Variants in LBHD1 observed in about 807,000 individuals in gnomAD.
LBHD1 encodes LBH domain containing 1.
LBHD1 carries 28 observed loss-of-function variants against 31.1 expected under a neutral mutation model. The observed-to-expected ratio is 0.90, with a 90% CI of 0.67 to 1.24. The LOEUF is 1.24. LBHD1 is among the 50% of genes most tolerant of loss of function. LBHD1 has a pLI of 0.00. For synonymous variants in LBHD1, 105 were observed against 116.5 expected (o/e 0.90, Z 0.63); for missense variants, 350 against 323.0 (o/e 1.08, Z -0.64).
intron 1 of LBHD1, 123 bp from the exon 2 acceptor site, chr11:62,670,164 C>T (rs184060434): frequency 3.9e-5 from 41 of 1,038,208 alleles, no homozygotes; most frequent in Admixed American, 8.4e-5. Flanking sequence ...AGCGATTATA[C>T]GCTTTCAGGG....
chr11:62,666,223 C>A (rs1304524851), intron 4 of LBHD1: 1 of 764,258 alleles, frequency 1.3e-6, no homozygotes, highest in Admixed American at 2.4e-5. Flanking sequence ...ATAGTCCTAG[C>A]TACTCAGGAG....
At chr11:62,666,076 G>T in intron 4 of LBHD1, 1 of 1,079,484 alleles carries the variant, frequency 9.3e-7, no homozygotes, top group Non-Finnish European at 1.3e-6. Flanking sequence ...GGCCGTGCGT[G>T]GTGGCTCACG....
intron 5 of LBHD1, among the ~76,000 whole-genome samples, chr11:62,664,644 T>C (rs990192888): frequency 6.6e-6 from 1 of 152,166 alleles, no homozygotes; most frequent in Non-Finnish European, 1.5e-5. Context: ...CTGAGATTCT[T>C]AACAGAATCC....
intron 4 of LBHD1, chr11:62,666,322 GAC>G: frequency 1.4e-6 from 2 of 1,385,684 alleles, no homozygotes; most frequent in Non-Finnish European, 2.0e-6. Flanking sequence ...AAAAAAAAAA[GAC>G]GCCAGTGTGT....
At position 62,671,868 on chromosome 11, in the gene LBHD1, A is replaced by G; in HGVS notation, c.-315T>C. 1.2e-6 allele frequency: 2 copies of G among 1,614,008 alleles called. No individual in the cohort carries two copies. Among genetic ancestry groups the G allele is most frequent in the South Asian group, 2.2e-5 (2 of 91,086 alleles). ...GGCGGAAGCAGGAAATGCTAAAGGT[A>G]GAAGCAACTGGTAGTCCCGAGGAAG... is the stretch of plus-strand genomic sequence containing the variant. On this transcript the variant is annotated 5_prime_UTR_variant, in exon 1 of 7. Transcript: ENST00000354588.
intron 4 of LBHD1, 198 bp downstream of exon 4, chr11:62,667,325 A>G (rs1944847439): frequency 1.5e-6 from 1 of 654,470 alleles, no homozygotes; most frequent in Non-Finnish European, 2.6e-6. Context: ...GTCATTCCCC[A>G]GTTTCAACTA....
chr11:62,665,443 C>T, intron 4 of LBHD1: 2 of 1,552,266 alleles, frequency 1.3e-6, no homozygotes, highest in Non-Finnish European at 1.7e-6. Context: ...TGGCGGGGAT[C>T]GGGCTTGTGG....
intron 4 of LBHD1, chr11:62,666,844 AGGT>A (rs1244372012): frequency 1.2e-6 from 2 of 1,614,070 alleles, no homozygotes; most frequent in Non-Finnish European, 1.7e-6. Flanking sequence ...TTGCCCGGGG[AGGT>A]CTGCCTAGGG....
At chr11:62,667,118 C>CTG in intron 4 of LBHD1, 1 of 1,465,144 alleles carries the variant, frequency 6.8e-7, no homozygotes, top group South Asian at 1.4e-5. Flanking sequence ...ACTGTCTTTG[C>CTG]AAGCTATCTG....
intron 4 of LBHD1, chr11:62,667,087 G>C: frequency 1.3e-6 from 2 of 1,529,392 alleles, no homozygotes; most frequent in Non-Finnish European, 1.8e-6. Context: ...GTATTTCTGT[G>C]GGCAAGGAGA....
At position 62,663,134 on chromosome 11, in the gene LBHD1, C is replaced by G; in HGVS notation, c.787G>C (p.Asp263His). 1.2e-6 allele frequency: 2 copies of G among 1,614,110 alleles called. No homozygotes were observed. Among genetic ancestry groups the G allele is most frequent in the Non-Finnish European group, 1.7e-6 (2 of 1,179,996 alleles). ...GCCTTTTGAGCTGTGGTTCACTAGT[C>G]CTGGCTGGCTTTGAAGGGGCTTCCA... ...GSGSPFKASQ[D>H] The change falls in exon 7 of 7, where the codon GAC becomes CAC. Residue 263 changes from aspartate (D) to histidine (H), a missense_variant. Coordinates refer to ENST00000354588, the MANE Select transcript of LBHD1 (RefSeq NM_024099.5).
chr11:62,668,184 G>A lies in LBHD1; in HGVS notation c.314-437C>T, dbSNP rs528927044. On this transcript the variant is annotated intron_variant, in intron 3 of 6. Coordinates refer to ENST00000354588, the MANE Select transcript of LBHD1 (RefSeq NM_024099.5). ...TTGTTCTGAAAATCATGAAGTAAAA[G>A]TGTTTAGCATAGTACCTGGTACATA... The A allele has an allele frequency of 3.0e-4, 53 of 175,220 alleles. No individual in the cohort carries two copies. In the Middle Eastern group the frequency reaches 0.012, roughly 40 times the overall value. 10.9% of individuals were successfully genotyped at this position (175,220 alleles called of 1,614,324 possible). A position where few individuals can be genotyped will look rare whatever the true frequency, so the allele number is the denominator to read the frequency against.
In LBHD1 at chr11:62,671,490, T is replaced by C. The variant is rs1026615014; in HGVS notation, c.-11+74A>G. ...TCCCCCTAGCAATCCCACCCCGGAA[T>C]TGAGGACACAGGGTCCCCGCGCTCA... On this transcript the variant is annotated intron_variant, in intron 1 of 6. Coordinates refer to ENST00000354588, the MANE Select transcript of LBHD1 (RefSeq NM_024099.5). 2.3e-5 allele frequency: 31 copies of C among 1,365,410 alleles called. No individual in the cohort carries two copies. The Admixed American group carries it at 2.7e-4, about 12-fold the overall frequency. 84.6% of individuals were successfully genotyped at this position (1,365,410 alleles called of 1,614,324 possible).
In LBHD1 at chr11:62,672,169, G is replaced by T. The variant is rs1040985665; in HGVS notation, c.-616C>A. 1 of 1,514,292 alleles carries T rather than the reference G, an allele frequency of 6.6e-7. No individual in the cohort carries two copies. Among genetic ancestry groups the T allele is most frequent in the Admixed American group, 2.0e-5 (1 of 50,510 alleles). 93.8% of individuals were successfully genotyped at this position (1,514,292 alleles called of 1,614,324 possible). On this transcript the variant is annotated 5_prime_UTR_variant, in exon 1 of 7. The change creates a premature stop within an existing upstream ORF in the 5' untranslated region. Coordinates refer to ENST00000354588, the MANE Select transcript of LBHD1 (RefSeq NM_024099.5). The stretch of plus-strand genomic sequence containing the variant: ...CTTGGCTTGGGCGCAGGAATCCGAG[G>T]CAGCCTTTCTCCTTCGTGGGCCCAG...
In LBHD1 at chr11:62,671,931, G is replaced by A; in HGVS notation, c.-378C>T. 1 of 1,613,300 alleles carries A rather than the reference G, an allele frequency of 6.2e-7. No homozygotes were observed. Among genetic ancestry groups the A allele is most frequent in the East Asian group, 2.2e-5 (1 of 44,860 alleles). On this transcript the variant is annotated 5_prime_UTR_variant, in exon 1 of 7. Coordinates refer to ENST00000354588, the MANE Select transcript of LBHD1 (RefSeq NM_024099.5). The stretch of plus-strand genomic sequence containing the variant: ...GAGAGCCCCGGACTGGAGCTCCTGC[G>A]AACTCCCCTTCCTGCCCTCAGGAGA...
chr11:62,669,448 T>C, intron 3 of LBHD1, 193 bp downstream of exon 3: 3 of 984,924 alleles, frequency 3.0e-6, no homozygotes, highest in Non-Finnish European at 3.6e-6. Flanking sequence ...ATGGCACCCA[T>C]TCTGATACCA....
chr11:62,666,802 A>AG (rs1565127951), intron 4 of LBHD1: 3 of 1,613,954 alleles, frequency 1.9e-6, no homozygotes. Flanking sequence ...GCTCTTTCCA[A>AG]CTACTGCTGG....
At position 62,670,048 on chromosome 11, in the gene LBHD1, G is replaced by C. The variant is rs1179140678; in HGVS notation, c.-10-7C>G. ...AAGGGCCATGGTGGTGATTCTTAGA[G>C]TGCAAGATGATTGAACTCAGAGGAG... On this transcript the variant is annotated splice_polypyrimidine_tract_variant and splice_region_variant and intron_variant, in intron 1 of 6. Transcript: ENST00000354588. The C allele has an allele frequency of 6.3e-7, 1 of 1,597,132 alleles. No individual in the cohort carries two copies. Among genetic ancestry groups the C allele is most frequent in the African/African-American group, 1.3e-5 (1 of 74,542 alleles).
In LBHD1 at chr11:62,666,502, C is replaced by T. The variant is rs570436114; in HGVS notation, c.538+1021G>A. 2.5e-6 allele frequency: 4 copies of T among 1,614,088 alleles called. No individual in the cohort carries two copies. In the East Asian group the frequency reaches 6.7e-5, roughly 27 times the overall value. ...CCTTCGACTGGTTCTTTGGATACGACGAAGTCCAGGGGCTCCTACTGCCAT... is the reference window on the plus strand; with the variant it reads ...CCTTCGACTGGTTCTTTGGATACGATGAAGTCCAGGGGCTCCTACTGCCAT... On this transcript the variant is annotated intron_variant, in intron 4 of 6. Coordinates refer to ENST00000354588, the MANE Select transcript of LBHD1 (RefSeq NM_024099.5).
Sources: allele counts gnomAD v4.1 joint callset (sites outside exome capture counted in the v4.1 genomes callset), GRCh38; gene constraint gnomAD v4.1.1; transcripts MANE v1.5; gene names NCBI Gene and HGNC (gene_info 2026-07-23, HGNC 2026-07-21).